Variants in TPD52 observed in about 807,000 individuals in gnomAD.
The protein encoded by TPD52 is prostate and colon associated protein.
TPD52 carries 17 observed loss-of-function variants against 31.3 expected under a neutral mutation model. The observed-to-expected ratio is 0.54, with a 90% CI of 0.37 to 0.82. The LOEUF (loss-of-function observed/expected upper bound fraction) is 0.82. Among genes scored for constraint, TPD52 ranks in the 40% least tolerant of loss-of-function variants. TPD52 has a pLI of 0.00. For synonymous variants in TPD52, 83 were observed against 89.6 expected (o/e 0.93, Z 0.42); for missense variants, 212 against 240.1 (o/e 0.88, Z 0.77).
chr8:80,162,438 T>C (rs937056525), intron 1 of TPD52, among the ~76,000 whole-genome samples: 6 of 151,884 alleles, frequency 4.0e-5, no homozygotes, highest in East Asian at 1.9e-4. Context: ...AAATGGATAA[T>C]AACATCTATA....
chr8:80,100,781 C>T (rs1422347834), intron 1 of TPD52, among the ~76,000 whole-genome samples: 1 of 152,228 alleles, frequency 6.6e-6, no homozygotes, highest in African/African-American at 2.4e-5. Context: ...GGAAGACAGT[C>T]AGAGAGAGGT....
chr8:80,117,540 T>C (rs1233873014), intron 1 of TPD52, among the ~76,000 whole-genome samples: 1 of 152,162 alleles, frequency 6.6e-6, no homozygotes, highest in Non-Finnish European at 1.5e-5. Context: ...AGACTTAATA[T>C]TGTGGAGATG....
intron 1 of TPD52, among the ~76,000 whole-genome samples, chr8:80,122,274 A>G (rs79846871): frequency 0.011 from 1,717 of 152,326 alleles, 23 homozygotes; most frequent in Middle Eastern, 0.014. Flanking sequence ...AAAGGGCAGA[A>G]TGAGTAAAAG....
intron 7 of TPD52, among the ~76,000 whole-genome samples, chr8:80,041,982 G>A (rs1479263533): frequency 1.4e-4 from 22 of 151,930 alleles, no homozygotes; most frequent in African/African-American, 3.1e-4. Flanking sequence ...CCAGCTACTC[G>A]GGAGGCTGAG....
chr8:80,152,006 G>A lies in TPD52; in HGVS notation c.19+19419C>T, dbSNP rs185977833. Among the ~76,000 whole-genome samples the A allele has an allele frequency of 9.2e-5, 14 of 152,276 alleles. No homozygotes were observed. In the East Asian group the frequency reaches 2.5e-3, roughly 27 times the overall value. ...AAGAGACCTAAGTACTTCCTGGTAA[G>A]CAGCTTTCAATATAAACAAGAGCCC... On this transcript the variant is annotated intron_variant, in intron 1 of 7. Transcript: ENST00000518937.
At chr8:80,116,485 T>G (rs933211920) in intron 1 of TPD52, among the ~76,000 whole-genome samples, 1 of 149,096 alleles carries the variant, frequency 6.7e-6, no homozygotes, top group Non-Finnish European at 1.5e-5. Context: ...AAAAGACCTC[T>G]AACAAGCAAA....
chr8:80,089,893 T>G (rs1816119270), intron 1 of TPD52, among the ~76,000 whole-genome samples: 1 of 152,124 alleles, frequency 6.6e-6, no homozygotes, highest in African/African-American at 2.4e-5. Context: ...GAAGAAAACC[T>G]TGAGTGACCA....
At chr8:80,111,874 T>C (rs1807519674) in intron 1 of TPD52, among the ~76,000 whole-genome samples, 1 of 152,218 alleles carries the variant, frequency 6.6e-6, no homozygotes. Flanking sequence ...ATCTGAGTGA[T>C]ATTTACTTAC....
chr8:80,079,326 TTC>T (rs2082443007), intron 1 of TPD52, among the ~76,000 whole-genome samples: 1 of 152,142 alleles, frequency 6.6e-6, no homozygotes, highest in Admixed American at 6.5e-5. Flanking sequence ...GCTCTACCCC[TTC>T]TCTGTTATAT....
chr8:80,092,868 C>T lies in TPD52; in HGVS notation c.20-28275G>A, dbSNP rs181183037. On this transcript the variant is annotated intron_variant, in intron 1 of 7. Coordinates refer to ENST00000518937, the MANE Select transcript of TPD52 (RefSeq NM_001025253.3). Reference sequence around the variant, plus strand: ...GAGGCTGGGAAGAGGAGGAGTTGAGCAGGGGTGGGGGTAGGAATAAAGGAT... The same window carrying T: ...GAGGCTGGGAAGAGGAGGAGTTGAGTAGGGGTGGGGGTAGGAATAAAGGAT... Among the ~76,000 whole-genome samples, 314 of 142,398 alleles carry T rather than the reference C, an allele frequency of 2.2e-3. 1 individual carries two copies. The highest frequency in any genetic ancestry group is 6.5e-3 in the African/African-American group (256 of 39,468). The allele number at this position is 142,398 out of a possible 152,430, so 93.4% of individuals were successfully genotyped here. A position where few individuals can be genotyped will look rare whatever the true frequency, so the allele number is the denominator to read the frequency against.
chr8:80,160,755 A>G (rs1305690698), intron 1 of TPD52, among the ~76,000 whole-genome samples: 1 of 152,040 alleles, frequency 6.6e-6, no homozygotes. Context: ...GAAGTAAATA[A>G]CTGGCTGGAC....
intron 4 of TPD52, among the ~76,000 whole-genome samples, chr8:80,051,089 C>T (rs1811340570): frequency 6.6e-6 from 1 of 151,396 alleles, no homozygotes; most frequent in Admixed American, 6.6e-5. Flanking sequence ...TAAAACAGTG[C>T]ACAAATGAGC....
At chr8:80,041,450 A>T (rs1053641657) in intron 7 of TPD52, among the ~76,000 whole-genome samples, 4 of 152,218 alleles carry the variant, frequency 2.6e-5, no homozygotes, top group African/African-American at 9.6e-5. Context: ...TTAAGATACT[A>T]GTTTTAATCC....
chr8:80,153,071 G>A (rs890921490), intron 1 of TPD52, among the ~76,000 whole-genome samples: 2 of 152,230 alleles, frequency 1.3e-5, no homozygotes, highest in Non-Finnish European at 1.5e-5. Context: ...ACTAACAAAT[G>A]TGGGAGGAGA....
At chr8:80,147,628 C>T (rs2131177470) in intron 1 of TPD52, among the ~76,000 whole-genome samples, 1 of 152,214 alleles carries the variant, frequency 6.6e-6, no homozygotes, top group South Asian at 2.1e-4. Flanking sequence ...CAGCGGCCAC[C>T]CCAGCTCCCA....
At chr8:80,150,942 C>T (rs139493540) in intron 1 of TPD52, among the ~76,000 whole-genome samples, 2 of 152,222 alleles carry the variant, frequency 1.3e-5, no homozygotes, top group African/African-American at 4.8e-5. Context: ...AATGTGAGGA[C>T]ATGAGATTTG....
intron 1 of TPD52, among the ~76,000 whole-genome samples, chr8:80,166,560 G>C (rs973817761): frequency 6.6e-6 from 1 of 151,522 alleles, no homozygotes; most frequent in African/African-American, 2.4e-5. Context: ...AATACATTTA[G>C]GGTTTTTTTA....
chr8:80,117,599 T>G (rs1403396118), intron 1 of TPD52, among the ~76,000 whole-genome samples: 1 of 152,138 alleles, frequency 6.6e-6, no homozygotes, highest in Admixed American at 6.5e-5. Flanking sequence ...CCTATCAAAA[T>G]CCCAGCTGAC....
intron 1 of TPD52, among the ~76,000 whole-genome samples, chr8:80,148,393 G>C (rs187189096): frequency 2.0e-5 from 3 of 150,978 alleles, no homozygotes; most frequent in Non-Finnish European, 4.4e-5. Context: ...AAACTCCTGG[G>C]ATCAAGCAAT....
Sources: allele counts gnomAD v4.1 joint callset (sites outside exome capture counted in the v4.1 genomes callset), GRCh38; gene constraint gnomAD v4.1.1; transcripts MANE v1.5; gene names NCBI Gene and HGNC (gene_info 2026-07-23, HGNC 2026-07-21).